The following RAB38 variants were observed in gnomAD, a reference collection of about 807,000 sequenced individuals.
RAB38 encodes RAB38, member RAS oncogene family, also known as ras-related protein Rab-38.
A neutral mutation model predicts 18.4 loss-of-function variants in RAB38; 15 were observed. The ratio of observed to expected loss-of-function variants is 0.82; its 90% CI spans 0.55 to 1.26. The LOEUF (loss-of-function observed/expected upper bound fraction) is 1.26. Among genes scored for constraint, RAB38 ranks in the 50% most tolerant of loss-of-function variants. The pLI is 0.00. For synonymous variants in RAB38, 101 were observed against 104.4 expected (o/e 0.97, Z 0.20); for missense variants, 294 against 267.4 (o/e 1.10, Z -0.69).
At chr11:88,128,083 A>T (rs999820175) in intron 2 of RAB38, among the ~76,000 whole-genome samples, 2 of 152,232 alleles carry the variant, frequency 1.3e-5, no homozygotes, top group Non-Finnish European at 2.9e-5. Flanking sequence ...CTCTGTGCTG[A>T]TATCCATTAC....
chr11:87,833,892 A>G, the RAB38 span, among the ~76,000 whole-genome samples: 1 of 152,246 alleles, frequency 6.6e-6, no homozygotes, highest in African/African-American at 2.4e-5. Flanking sequence ...AAAGCATGAC[A>G]AAATGAATTT....
At chr11:88,018,584 T>C in the RAB38 span, among the ~76,000 whole-genome samples, 1 of 152,098 alleles carries the variant, frequency 6.6e-6, no homozygotes, top group African/African-American at 2.4e-5. Context: ...GCAGCGACAA[T>C]AGCAAATTCT....
At chr11:87,965,725 A>G in the RAB38 span, among the ~76,000 whole-genome samples, 1 of 152,196 alleles carries the variant, frequency 6.6e-6, no homozygotes, top group Non-Finnish European at 1.5e-5. Context: ...CAAGGCAAAG[A>G]CTTCAGTAGC....
At chr11:87,971,333 C>G in the RAB38 span, among the ~76,000 whole-genome samples, 1 of 152,018 alleles carries the variant, frequency 6.6e-6, no homozygotes, top group Admixed American at 6.6e-5. Flanking sequence ...AACATTGCTT[C>G]AAGGGTGTTT....
At chr11:87,941,227 A>ATATATC in the RAB38 span, among the ~76,000 whole-genome samples, 1 of 118,962 alleles carries the variant, frequency 8.4e-6, no homozygotes, top group South Asian at 2.8e-4. Context: ...ATATATATAT[A>ATATATC]TATATATATA....
At chr11:87,815,999 A>G in the RAB38 span, 2 of 152,354 alleles carry the variant, frequency 1.3e-5, no homozygotes, top group Non-Finnish European at 2.9e-5. Context: ...TATATAGTGT[A>G]TGGCCAGGAA....
chr11:87,854,913 G>C, the RAB38 span, among the ~76,000 whole-genome samples: 1 of 152,058 alleles, frequency 6.6e-6, no homozygotes, highest in South Asian at 2.1e-4. Context: ...TCCTGCCTCA[G>C]CCTCCCGAGT....
chr11:88,048,405 C>A, the RAB38 span, among the ~76,000 whole-genome samples: 2 of 152,120 alleles, frequency 1.3e-5, no homozygotes, highest in Admixed American at 1.3e-4. Flanking sequence ...TGGAAACTTC[C>A]TACCCCTTAC....
chr11:87,924,115 C>A, the RAB38 span, among the ~76,000 whole-genome samples: 11 of 151,942 alleles, frequency 7.2e-5, no homozygotes, highest in African/African-American at 2.7e-4. Context: ...TGCAAATCCC[C>A]TAACACACCT....
At chr11:87,835,122 G>C in the RAB38 span, among the ~76,000 whole-genome samples, 1 of 152,322 alleles carries the variant, frequency 6.6e-6, no homozygotes, top group East Asian at 1.9e-4. Context: ...AACCAAATCT[G>C]ACTAATAGAA....
the RAB38 span, among the ~76,000 whole-genome samples, chr11:88,067,463 T>C: frequency 6.6e-6 from 1 of 151,870 alleles, no homozygotes; most frequent in African/African-American, 2.4e-5. Flanking sequence ...GCTCCATCCA[T>C]TCTAATAGAC....
At chr11:87,847,961 A>G in the RAB38 span, among the ~76,000 whole-genome samples, 1 of 152,296 alleles carries the variant, frequency 6.6e-6, no homozygotes, top group African/African-American at 2.4e-5. Flanking sequence ...ATTACCAATT[A>G]AATAACTTTC....
intron 2 of RAB38, among the ~76,000 whole-genome samples, chr11:88,147,427 C>G (rs1943002590): frequency 6.6e-6 from 1 of 152,236 alleles, no homozygotes; most frequent in Admixed American, 6.5e-5. Flanking sequence ...TACTCTGTCT[C>G]CCTTGTGCCT....
chr11:88,104,488 G>A, the RAB38 span, among the ~76,000 whole-genome samples: 2 of 152,220 alleles, frequency 1.3e-5, no homozygotes, highest in East Asian at 1.9e-4. Context: ...CCAGTCTTGA[G>A]TTTGACTACT....
the RAB38 span, among the ~76,000 whole-genome samples, chr11:88,015,903 G>A: frequency 6.6e-6 from 1 of 152,160 alleles, no homozygotes; most frequent in Non-Finnish European, 1.5e-5. Flanking sequence ...TGGCCACTTG[G>A]GAGGTCTGGG....
chr11:88,133,457 G>T (rs1023568651), intron 2 of RAB38, among the ~76,000 whole-genome samples: 7 of 151,982 alleles, frequency 4.6e-5, no homozygotes, highest in African/African-American at 1.7e-4. Context: ...TGAAATTTAG[G>T]CTTGCTACTA....
At chr11:88,083,405 G>A in the RAB38 span, among the ~76,000 whole-genome samples, 1 of 151,792 alleles carries the variant, frequency 6.6e-6, no homozygotes, top group African/African-American at 2.4e-5. Flanking sequence ...AATGGATGGA[G>A]TCTTATTTTA....
chr11:88,056,693 A>G, the RAB38 span, among the ~76,000 whole-genome samples: 3 of 152,004 alleles, frequency 2.0e-5, no homozygotes, highest in Admixed American at 1.3e-4. Context: ...AGTCCCAGCT[A>G]CTCGGAAGGC....
the RAB38 span, among the ~76,000 whole-genome samples, chr11:88,090,253 G>A: frequency 6.6e-6 from 1 of 151,928 alleles, no homozygotes; most frequent in Non-Finnish European, 1.5e-5. Flanking sequence ...AAACAGTGTT[G>A]CAATAGAAAA....
Sources: gnomAD v4.1 joint callset for allele counts (sites outside exome capture counted in the v4.1 genomes callset) on GRCh38, gnomAD v4.1.1 for gene constraint, MANE v1.5 for transcripts, NCBI Gene and HGNC (gene_info 2026-07-23, HGNC 2026-07-21) for gene names.